Variants in ALS2 observed in about 807,000 individuals in gnomAD.
ALS2 encodes the protein alsin.
Under a neutral mutation model 203.4 loss-of-function variants are expected in ALS2, and 117 were observed. The observed-to-expected ratio is 0.58, with a 90% CI of 0.50 to 0.67. The LOEUF (loss-of-function observed/expected upper bound fraction) is 0.67, where lower values mean the gene tolerates loss of function less well. ALS2 is among the 30% of genes least tolerant of loss of function. The pLI is 0.00. For missense variants in ALS2, 1,715 were observed against 1,989.4 expected, an observed-to-expected ratio of 0.86 and a Z score of 2.62; for synonymous variants, 718 against 725.9, an observed-to-expected ratio of 0.99 and a Z score of 0.17.
intron 1 of ALS2, among the ~76,000 whole-genome samples, chr2:201,777,528 T>C (rs1208871262): frequency 6.6e-6 from 1 of 152,158 alleles, no homozygotes; most frequent in African/African-American, 2.4e-5. Flanking sequence ...TACATAAAAC[T>C]GTAAAAATAA....
At chr2:201,760,357 T>A (rs1251886139) in intron 4 of ALS2, 1 of 985,610 alleles carries the variant, frequency 1.0e-6, no homozygotes, top group Non-Finnish European at 1.2e-6. Flanking sequence ...CTCTTCAAAT[T>A]AAGCCCAGTA....
At chr2:201,710,936 T>C (rs898960527) in intron 26 of ALS2, 55 bp downstream of exon 26, 5 of 1,042,136 alleles carry the variant, frequency 4.8e-6, no homozygotes, top group Non-Finnish European at 7.6e-6. Flanking sequence ...AATGATATAT[T>C]GTGGTAGGTG....
Position 201,738,678 on chromosome 2 carries a change from C to G in ALS2, c.2409G>C (p.Lys803Asn). 1 of 1,613,926 alleles carries G rather than the reference C, an allele frequency of 6.2e-7. No individual in the cohort carries two copies. Among genetic ancestry groups the G allele is most frequent in the Non-Finnish European group, 8.5e-7 (1 of 1,179,866 alleles). The change falls in exon 12 of 34, where the codon AAG becomes AAC. Residue 803 changes from lysine to asparagine, a missense_variant. Lys to Asn is a moderately conservative substitution (Grantham distance 94). Around this residue, in one of 3 missense-constraint regions of ALS2, gnomAD observed 1,227 missense variants for 1,413.5 expected, o/e 0.87. Coordinates refer to ENST00000264276, the MANE Select transcript of ALS2 (RefSeq NM_020919.4). ...LVMGGFQLLA[K>N]PAIDFLNKNQ... ...GGTGTGGGTTTGCTTACATGGCAGGCTTAGCAAGAAGCTGGAATCCTCCCA... is the reference window on the plus strand; with the variant it reads ...GGTGTGGGTTTGCTTACATGGCAGGGTTAGCAAGAAGCTGGAATCCTCCCA...
rs116730682 is a variant in ALS2, at chr2:201,763,066, G to C, written c.176-1248C>G. 1.3e-3 allele frequency: 231 copies of C among 173,312 alleles called. 2 individuals carry two copies. Among genetic ancestry groups the C allele is most frequent in the African/African-American group, 5.4e-3 (224 of 41,734 alleles). The allele number at this position is 173,312 out of a possible 1,614,324, so 10.7% of individuals were successfully genotyped here. On this transcript the variant is annotated intron_variant, in intron 3 of 33. Transcript: ENST00000264276. ...GCCAGTGCAGAAGCAGACGCGCACT[G>C]GCCAGCACACCAGATTCCAGGTGTT...
intron 9 of ALS2, among the ~76,000 whole-genome samples, 170 bp from the exon 10 acceptor site, chr2:201,744,599 T>C (rs1224926283): frequency 6.6e-6 from 1 of 152,046 alleles, no homozygotes. Context: ...ATAGTGAAAA[T>C]CTGCAAGCAC....
At chr2:201,749,507 G>A (rs1458958667) in intron 8 of ALS2, among the ~76,000 whole-genome samples, 3 of 152,076 alleles carry the variant, frequency 2.0e-5, no homozygotes, top group African/African-American at 7.2e-5. Context: ...AACAGTTGAA[G>A]CTAAGAAATA....
At chr2:201,753,268 A>G (rs1693176515) in intron 6 of ALS2, 26 bp from the exon 7 acceptor site, 5 of 1,570,756 alleles carry the variant, frequency 3.2e-6, no homozygotes, top group East Asian at 4.5e-5. Flanking sequence ...ACAGGCACAC[A>G]AAGTCAAAGT....
At chr2:201,763,819 T>C (rs904733922) in intron 3 of ALS2, among the ~76,000 whole-genome samples, 2 of 152,204 alleles carry the variant, frequency 1.3e-5, no homozygotes, top group Non-Finnish European at 2.9e-5. Context: ...ACACATAAGC[T>C]ATGCTGGCTA....
chr2:201,713,478 C>T (rs1398340770), intron 25 of ALS2, among the ~76,000 whole-genome samples: 2 of 152,152 alleles, frequency 1.3e-5, no homozygotes, highest in African/African-American at 2.4e-5. Context: ...CCCACAAGTC[C>T]ATGAGGCTGT....
In ALS2 at chr2:201,725,462, G is replaced by C. The variant is rs767981300; in HGVS notation, c.3249-8C>G. Reference sequence around the variant, plus strand: ...ATTCTGTATTCTCCATACCTGCCATGAAAAAGAAAAAATAACAAAAGAAGA... The same window carrying C: ...ATTCTGTATTCTCCATACCTGCCATCAAAAAGAAAAAATAACAAAAGAAGA... On this transcript the variant is annotated splice_region_variant and splice_polypyrimidine_tract_variant and intron_variant, in intron 19 of 33. Coordinates refer to ENST00000264276, the MANE Select transcript of ALS2 (RefSeq NM_020919.4). 1 of 1,603,628 alleles carries C rather than the reference G, an allele frequency of 6.2e-7. No individual in the cohort carries two copies. The highest frequency in any genetic ancestry group is 1.1e-5 in the South Asian group (1 of 90,870).
rs1236448121 is a variant in ALS2, at chr2:201,757,400, AC to A, written c.1471+1del. On this transcript the variant is annotated splice_donor_variant, in intron 5 of 33. Transcript: ENST00000264276. LOFTEE classifies it high-confidence loss of function. Reference sequence around the variant, plus strand: ...ATTCACAAAACCTAGTTATTTCCTTACCTTGTGACAACAATCCAGGGAGGGA... The same window carrying A: ...ATTCACAAAACCTAGTTATTTCCTTACTTGTGACAACAATCCAGGGAGGGA... 2 of 1,611,630 alleles carry A rather than the reference AC, an allele frequency of 1.2e-6. No homozygotes were observed. The highest frequency in any genetic ancestry group is 1.7e-6 in the Non-Finnish European group (2 of 1,177,868).
intron 3 of ALS2, among the ~76,000 whole-genome samples, chr2:201,765,096 C>G (rs373326050): frequency 1.3e-5 from 2 of 151,996 alleles, no homozygotes; most frequent in African/African-American, 4.8e-5. Context: ...CTCCCAGACT[C>G]AAGCTATCCT....
intron 8 of ALS2, among the ~76,000 whole-genome samples, chr2:201,747,296 A>G (rs1280542320): frequency 1.3e-5 from 2 of 152,028 alleles, no homozygotes; most frequent in African/African-American, 4.8e-5. Flanking sequence ...AAACAGGCAG[A>G]GCCCCTGAGA....
chr2:201,746,895 A>G (rs1403141075), intron 8 of ALS2, 147 bp from the exon 9 acceptor site: 10 of 826,564 alleles, frequency 1.2e-5, no homozygotes, highest in South Asian at 1.1e-4. Flanking sequence ...AATTTGCCCA[A>G]TCAAATGCAG....
rs1469612150 is a variant in ALS2, at chr2:201,715,615, T to C, written c.4004+57A>G. On this transcript the variant is annotated intron_variant, in intron 25 of 33. Transcript: ENST00000264276. ...GTGGTGAGCCTTGACTACTTACTGGTCTTAAGTTTCATCTTCCTAACATGC... is the reference window on the plus strand; with the variant it reads ...GTGGTGAGCCTTGACTACTTACTGGCCTTAAGTTTCATCTTCCTAACATGC... 4 of 1,594,844 alleles carry C rather than the reference T, an allele frequency of 2.5e-6. No individual in the cohort carries two copies. In the African/African-American group the frequency reaches 5.4e-5, roughly 21 times the overall value.
At chr2:201,767,782 C>T (rs141754261) in intron 2 of ALS2, among the ~76,000 whole-genome samples, 5,980 of 149,100 alleles carry the variant, frequency 0.04, 359 homozygotes, top group African/African-American at 0.13. Context: ...GCAGGAGAAG[C>T]GCTTGAACCC....
chr2:201,780,314 G>C (rs1694841513), intron 1 of ALS2, among the ~76,000 whole-genome samples: 1 of 152,148 alleles, frequency 6.6e-6, no homozygotes, highest in Admixed American at 6.5e-5. Flanking sequence ...TTACTTGATA[G>C]GCTCAAAGAC....
chr2:201,768,041 C>T (rs1423072455), intron 2 of ALS2, among the ~76,000 whole-genome samples: 2 of 152,120 alleles, frequency 1.3e-5, no homozygotes, highest in Non-Finnish European at 2.9e-5. Context: ...ATCAAAGCTA[C>T]AACATGCCCA....
intron 21 of ALS2, 64 bp from the exon 22 acceptor site, chr2:201,723,505 T>C: frequency 1.5e-6 from 2 of 1,370,952 alleles, no homozygotes; most frequent in South Asian, 1.2e-5. Flanking sequence ...GAAAAGACAA[T>C]TATCACATGG....
Sources: gnomAD v4.1 joint callset for allele counts (sites outside exome capture counted in the v4.1 genomes callset) on GRCh38, gnomAD v4.1.1 for gene constraint, gnomAD v4.1.1 regional missense constraint, MANE v1.5 for transcripts, NCBI Gene and HGNC (gene_info 2026-07-23, HGNC 2026-07-21) for gene names.